Variants in FAT3 observed in about 807,000 individuals in gnomAD.
FAT3 encodes the protein FAT atypical cadherin 3, also known as protocadherin Fat 3.
A neutral mutation model predicts 310.2 loss-of-function variants in FAT3; 95 were observed. The ratio of observed to expected loss-of-function variants is 0.31; its 90% CI spans 0.26 to 0.36. FAT3 has a LOEUF of 0.36. FAT3 is among the 10% of genes least tolerant of loss of function. FAT3 has a pLI of 1.00. For synonymous variants in FAT3, 2,314 were observed against 2,192.9 expected (o/e 1.06, Z -1.54); for missense variants, 5,408 against 5,715.6 (o/e 0.95, Z 1.74).
At chr11:92,775,611 G>A (rs1946579088) in intron 7 of FAT3, among the ~76,000 whole-genome samples, 1 of 152,038 alleles carries the variant, frequency 6.6e-6, no homozygotes, top group Non-Finnish European at 1.5e-5. Context: ...TGTGGAATTG[G>A]CATAATTATT....
intron 4 of FAT3, among the ~76,000 whole-genome samples, chr11:92,722,560 C>T (rs993651247): frequency 3.9e-5 from 6 of 152,222 alleles, no homozygotes; most frequent in African/African-American, 1.4e-4. Context: ...CACAGCTCCA[C>T]TAGGTGGTAC....
intron 4 of FAT3, among the ~76,000 whole-genome samples, chr11:92,756,450 G>T (rs541565450): frequency 1.4e-3 from 215 of 152,300 alleles, no homozygotes; most frequent in Non-Finnish European, 2.5e-3. Flanking sequence ...AAACAGGGGA[G>T]GGGGATATGT....
intron 3 of FAT3, among the ~76,000 whole-genome samples, chr11:92,588,396 A>G (rs935505400): frequency 5.3e-5 from 8 of 151,990 alleles, no homozygotes; most frequent in African/African-American, 1.9e-4. Flanking sequence ...ATGTAACAGA[A>G]TGTACTATTA....
intron 1 of FAT3, among the ~76,000 whole-genome samples, chr11:92,313,540 A>G (rs1591092136): frequency 6.6e-6 from 1 of 152,056 alleles, no homozygotes; most frequent in East Asian, 1.9e-4. Flanking sequence ...GTTGTACCTC[A>G]AACCCATTTT....
intron 1 of FAT3, among the ~76,000 whole-genome samples, chr11:92,309,519 A>T (rs1170000141): frequency 6.6e-6 from 1 of 152,122 alleles, no homozygotes; most frequent in African/African-American, 2.4e-5. Flanking sequence ...AGTTTATGGC[A>T]AACACTTCAC....
chr11:92,487,905 T>C (rs1292746271), intron 2 of FAT3, among the ~76,000 whole-genome samples: 1 of 152,202 alleles, frequency 6.6e-6, no homozygotes, highest in Non-Finnish European at 1.5e-5. Flanking sequence ...GGACAGACTC[T>C]AAGGTGGCCC....
intron 2 of FAT3, among the ~76,000 whole-genome samples, chr11:92,514,642 T>C (rs1366075755): frequency 6.6e-6 from 1 of 152,126 alleles, no homozygotes; most frequent in Non-Finnish European, 1.5e-5. Flanking sequence ...CATGCACTTA[T>C]GAATGGACAG....
intron 1 of FAT3, among the ~76,000 whole-genome samples, chr11:92,267,757 T>G (rs1946010491): frequency 6.6e-6 from 1 of 152,160 alleles, no homozygotes; most frequent in Admixed American, 6.6e-5. Context: ...TTATTGCTTA[T>G]CATTATTTAT....
intron 7 of FAT3, among the ~76,000 whole-genome samples, chr11:92,785,018 T>C (rs1005859870): frequency 7.3e-5 from 11 of 151,662 alleles, no homozygotes; most frequent in Non-Finnish European, 1.5e-4. Flanking sequence ...ATAAGAACAA[T>C]ACCCAAAACT....
At chr11:92,813,494 G>A (rs1005685686) in intron 13 of FAT3, among the ~76,000 whole-genome samples, 1 of 152,084 alleles carries the variant, frequency 6.6e-6, no homozygotes, top group African/African-American at 2.4e-5. Flanking sequence ...TATCACCTGT[G>A]CAGCTTCATT....
At chr11:92,762,608 A>T (rs1403933278) in intron 5 of FAT3, among the ~76,000 whole-genome samples, 3 of 152,230 alleles carry the variant, frequency 2.0e-5, no homozygotes, top group Non-Finnish European at 4.4e-5. Context: ...GTGATAGAGC[A>T]TGGATATAGC....
rs368683189 is a variant in FAT3 at position 92,826,182 on chromosome 11, A to G, written c.9482-5440A>G. ...AAGACAGAAACCTTCCACTTCTCAAAAGAAACAAAACACTGTCTTTTAAGA... is the reference window on the plus strand; with the variant it reads ...AAGACAGAAACCTTCCACTTCTCAAGAGAAACAAAACACTGTCTTTTAAGA... On this transcript the variant is annotated intron_variant, in intron 13 of 27. Transcript: ENST00000525166. 4.6e-5 allele frequency among the ~76,000 whole-genome samples: 7 copies of G among 152,278 alleles called. No individual in the cohort carries two copies. The East Asian group carries it at 1.4e-3, about 29-fold the overall frequency.
Position 92,882,893 on chromosome 11 carries a change from G to A in FAT3, c.12437G>A (p.Gly4146Asp), listed in dbSNP as rs371345320. The change falls in exon 24 of 28, where the codon GGC becomes GAC. Residue 4146 changes from glycine (G) to aspartate (D), a missense_variant. Around this residue, in one of 5 missense-constraint regions of FAT3, gnomAD observed 649 missense variants for 666.2 expected, o/e 0.97. Transcript: ENST00000525166. ...RPVVVPNIQAGHSYVGKEELI... is the reference protein window; with the variant it reads ...RPVVVPNIQADHSYVGKEELI... ...GTGGTGGTACCCAATATCCAGGCTG[G>A]CCACTCCTACGTGGGGAAGGAGGAG... 1.9e-6 allele frequency: 3 copies of A among 1,612,526 alleles called. No individual in the cohort carries two copies. Among genetic ancestry groups the A allele is most frequent in the Non-Finnish European group, 2.5e-6 (3 of 1,179,452 alleles).
intron 2 of FAT3, among the ~76,000 whole-genome samples, chr11:92,410,814 A>G (rs1439544132): frequency 6.6e-6 from 1 of 152,042 alleles, no homozygotes; most frequent in Non-Finnish European, 1.5e-5. Flanking sequence ...CAATAAATAA[A>G]AAATATGGCT....
chr11:92,821,480 G>A (rs977596091), intron 13 of FAT3, among the ~76,000 whole-genome samples: 4 of 152,066 alleles, frequency 2.6e-5, no homozygotes, highest in South Asian at 2.1e-4. Context: ...GTTATTCTCC[G>A]AAGTGTTGAA....
chr11:92,854,457 C>A (rs913656507), intron 19 of FAT3, among the ~76,000 whole-genome samples: 1 of 152,182 alleles, frequency 6.6e-6, no homozygotes, highest in Non-Finnish European at 1.5e-5. Flanking sequence ...ACCCCAGCCA[C>A]GCCTTCCCTG....
chr11:92,488,158 C>G (rs114611179), intron 2 of FAT3, among the ~76,000 whole-genome samples: 4,460 of 152,198 alleles, frequency 0.029, 221 homozygotes, highest in African/African-American at 0.1. Context: ...GCAGGGCAGC[C>G]TCCAGATGAC....
At chr11:92,731,555 C>T (rs940577796) in intron 4 of FAT3, among the ~76,000 whole-genome samples, 7 of 152,128 alleles carry the variant, frequency 4.6e-5, no homozygotes, top group Non-Finnish European at 8.8e-5. Flanking sequence ...CAGCATCATT[C>T]AGCTGATCCA....
At chr11:92,501,645 C>T (rs1352033627) in intron 2 of FAT3, among the ~76,000 whole-genome samples, 3 of 151,744 alleles carry the variant, frequency 2.0e-5, no homozygotes, top group Non-Finnish European at 2.9e-5. Context: ...CTGTCTTTCT[C>T]TCTTCTTTGT....
Sources: allele counts gnomAD v4.1 joint callset (sites outside exome capture counted in the v4.1 genomes callset), GRCh38; gene constraint gnomAD v4.1.1; regional missense constraint gnomAD v4.1.1; transcripts MANE v1.5; gene names NCBI Gene and HGNC (gene_info 2026-07-23, HGNC 2026-07-21).